NPC1L1: variants seen among roughly 807,000 people sequenced by gnomAD.
NPC1L1 encodes the protein NPC1 like intracellular cholesterol transporter 1.
Under a neutral mutation model 117.0 loss-of-function variants are expected in NPC1L1, and 98 were observed. The observed-to-expected ratio is 0.84, with a 90% confidence interval of 0.71 to 0.99. The LOEUF (loss-of-function observed/expected upper bound fraction) is 0.99, where lower values mean the gene tolerates loss of function less well. Among genes scored for constraint, NPC1L1 ranks in the 50% least tolerant of loss-of-function variants. NPC1L1 has a pLI of 0.00. For synonymous variants in NPC1L1, 729 were observed against 727.6 expected (o/e 1.00, Z -0.03); for missense variants, 1,540 against 1,710.0 (o/e 0.90, Z 1.75).
Position 44,536,907 on chromosome 7 carries a change from G to A in NPC1L1, c.1616C>T (p.Ala539Val). The change falls in exon 3 of 19, where the codon GCC (alanine) becomes GTC (valine). Residue 539 changes from alanine to valine, a missense_variant. Ala to Val is a moderately conservative substitution (Grantham distance 64, BLOSUM62 0). Coordinates refer to ENST00000381160, the MANE Select transcript of NPC1L1 (RefSeq NM_001101648.2). This position sits in a 1 kb window ranked among gnomAD's most constrained non-coding sequence, Gnocchi z 4.7. Reference protein sequence around the residue: ...PLTFKDGTALALSCMADYGAP... With the variant: ...PLTFKDGTALVLSCMADYGAP... ...CCCGTAGTCAGCCATGCAGCTCAGGGCCAGGGCTGTGCCATCCTTGAAGGT... is the reference window on the plus strand; with the variant it reads ...CCCGTAGTCAGCCATGCAGCTCAGGACCAGGGCTGTGCCATCCTTGAAGGT... 2 of 1,614,104 alleles carry A rather than the reference G, an allele frequency of 1.2e-6. No homozygotes were observed. The highest frequency in any genetic ancestry group is 1.7e-6 in the Non-Finnish European group (2 of 1,179,998).
intron 18 of NPC1L1, among the ~76,000 whole-genome samples, chr7:44,515,422 G>T (rs1801154384): frequency 6.6e-6 from 1 of 152,156 alleles, no homozygotes; most frequent in African/African-American, 2.4e-5. Flanking sequence ...TATAAAGGAA[G>T]TATTAATATT....
At position 44,541,319 on chromosome 7, in the gene NPC1L1, T is replaced by C; in HGVS notation, c.-60A>G. The C allele has an allele frequency of 1.5e-5, 23 of 1,501,564 alleles. No individual in the cohort carries two copies. Among genetic ancestry groups the C allele is most frequent in the Non-Finnish European group, 2.1e-5 (23 of 1,106,982 alleles). 93.0% of individuals were successfully genotyped at this position (1,501,564 alleles called of 1,614,324 possible). A position where few individuals can be genotyped will look rare whatever the true frequency, so the allele number is the denominator to read the frequency against. On this transcript the variant is annotated 5_prime_UTR_variant, in exon 1 of 19. Transcript: ENST00000381160. ...CCAGGCCTCAGGAACAGCCAAGGGC[T>C]GAACACACATTAAGGCAGCCTCCTC...
intron 10 of NPC1L1, among the ~76,000 whole-genome samples, chr7:44,530,164 CCT>C (rs1411931902): frequency 6.6e-6 from 1 of 152,050 alleles, no homozygotes; most frequent in Non-Finnish European, 1.5e-5. Flanking sequence ...ATGGTGAAAC[CCT>C]GTCTCTACTA....
intron 10 of NPC1L1, among the ~76,000 whole-genome samples, chr7:44,526,647 C>T (rs117448375): frequency 0.011 from 1,677 of 151,674 alleles, 18 homozygotes; most frequent in Non-Finnish European, 0.019. Context: ...GGCTGAGACA[C>T]GAGGATCACC....
intron 8 of NPC1L1, chr7:44,533,198 C>T (rs1416827451): frequency 1.1e-5 from 5 of 447,902 alleles, no homozygotes; most frequent in African/African-American, 4.0e-5. Context: ...TATTTTATTT[C>T]TCAACATCAT....
chr7:44,540,143 G>A lies in NPC1L1; in HGVS notation c.254C>T (p.Pro85Leu). Residue 85 changes from proline to leucine, a missense_variant, in exon 2 of 19, where the codon CCC (proline) becomes CTC (leucine). Pro to Leu is a moderately conservative substitution (Grantham distance 98). This residue lies in a region of NPC1L1 where 793 missense variants were observed against 820.4 expected (regional missense o/e 0.97). Transcript: ENST00000381160. ...GGCGGAGCAGCAGGCTTGGGTGTTG[G>A]GGCCGGTGTAGAGGCGGGGGCAGAT... Reference protein sequence around the residue: ...QKICPRLYTGPNTQACCSAKQ... With the variant: ...QKICPRLYTGLNTQACCSAKQ... 3.7e-6 allele frequency: 6 copies of A among 1,614,162 alleles called. No individual in the cohort carries two copies. Among genetic ancestry groups the A allele is most frequent in the Non-Finnish European group, 5.1e-6 (6 of 1,180,030 alleles).
intron 10 of NPC1L1, among the ~76,000 whole-genome samples, chr7:44,524,287 A>G (rs1255647703): frequency 6.6e-6 from 1 of 152,246 alleles, no homozygotes; most frequent in Non-Finnish European, 1.5e-5. Flanking sequence ...GCCCTGGGAA[A>G]GAAGGAGAAT....
In NPC1L1 at chr7:44,538,360, G is replaced by A. The variant is rs1036829960; in HGVS notation, c.1580+457C>T. ...GGCCCAGGTGCCTGAGACCAGCCAC[G>A]ACCTCTGGCCTGAGGGCACCTTTTC... On this transcript the variant is annotated intron_variant, in intron 2 of 18. Coordinates refer to ENST00000381160, the MANE Select transcript of NPC1L1 (RefSeq NM_001101648.2). This position sits in a 1 kb window ranked among gnomAD's most constrained non-coding sequence, Gnocchi z 5.9. Among the ~76,000 whole-genome samples, 3 of 152,228 alleles carry A rather than the reference G, an allele frequency of 2.0e-5. No homozygotes were observed. Among genetic ancestry groups the A allele is most frequent in the African/African-American group, 4.8e-5 (2 of 41,468 alleles).
chr7:44,529,070 C>CAA (rs60170693), intron 10 of NPC1L1, among the ~76,000 whole-genome samples: 1 of 114,454 alleles, frequency 8.7e-6, no homozygotes, highest in East Asian at 2.6e-4. Flanking sequence ...GGCTCCATCT[C>CAA]AAAAAAAAAA....
rs1801207611 is a variant in NPC1L1, at chr7:44,516,892, A to C, written c.3330T>G (p.Pro1110=). 7 of 1,613,990 alleles carry C rather than the reference A, an allele frequency of 4.3e-6. No individual in the cohort carries two copies. Among genetic ancestry groups the C allele is most frequent in the Non-Finnish European group, 5.9e-6 (7 of 1,180,040 alleles). ...VFYEQYLTIL[P]EGLFMLSLCL... is the part of the protein sequence containing the mutation. Reference sequence around the variant, plus strand: ...AGAGGCTGAGCATGAAGAGCCCCTCAGGGAGGATGGTCAGGTACTGCTCAT... The same window carrying C: ...AGAGGCTGAGCATGAAGAGCCCCTCCGGGAGGATGGTCAGGTACTGCTCAT... The change falls in exon 16 of 19, where the codon CCT becomes CCG. Residue 1110 remains proline (P), a synonymous_variant. Coordinates refer to ENST00000381160, the MANE Select transcript of NPC1L1 (RefSeq NM_001101648.2).
In NPC1L1 at chr7:44,536,293, C is replaced by T. The variant is rs200753260; in HGVS notation, c.1817G>A (p.Arg606Gln). The part of the protein sequence containing the change: ...FLEEMRAFQR[R>Q]MAGMFQVTFM... ...CGTGACCTGGAACATGCCAGCCATC[C>T]GACGCTGGAAGGCTCGCATTTCCTC... The change falls in exon 4 of 19, where the codon CGG becomes CAG. Residue 606 changes from arginine to glutamine, a missense_variant. Coordinates refer to ENST00000381160, the MANE Select transcript of NPC1L1 (RefSeq NM_001101648.2). The surrounding 1 kb of genome is among the most constrained non-coding windows in gnomAD (Gnocchi z 4.7). 8.5e-5 allele frequency: 138 copies of T among 1,614,192 alleles called. No homozygotes were observed. The highest frequency in any genetic ancestry group is 2.1e-4 in the African/African-American group (16 of 75,062).
chr7:44,534,266 G>C lies in NPC1L1; in HGVS notation c.2166+181C>G, dbSNP rs1425113713. ...AAGCTAATTCCAGATGGTAGAGGCA[G>C]GATGAAGTCATTTATGTCAACACAC... On this transcript the variant is annotated intron_variant, in intron 6 of 18. Coordinates refer to ENST00000381160, the MANE Select transcript of NPC1L1 (RefSeq NM_001101648.2). This position sits in a 1 kb window ranked among gnomAD's most constrained non-coding sequence, Gnocchi z 5.2. Among the ~76,000 whole-genome samples the C allele has an allele frequency of 6.6e-6, 1 of 152,210 alleles. No individual in the cohort carries two copies. The highest frequency in any genetic ancestry group is 2.4e-5 in the African/African-American group (1 of 41,456).
Position 44,516,156 on chromosome 7 carries a change from G to A in NPC1L1, c.3561C>T (p.Arg1187=). The A allele has an allele frequency of 6.2e-7, 1 of 1,612,122 alleles. No individual in the cohort carries two copies. The highest frequency in any genetic ancestry group is 2.2e-5 in the East Asian group (1 of 44,850). The change falls in exon 17 of 19, where the codon CGC becomes CGT. Residue 1187 remains arginine (R), a synonymous_variant. Transcript: ENST00000381160. ...TGGGCTTGGTGCTGATGGCAAAGGA[G>A]CGGGTAATGTGGGACACAAACTCCA... ...MSVEFVSHIT[R]SFAISTKPTW... is the part of the protein sequence containing the mutation.
chr7:44,517,722 G>C (rs535121287), intron 14 of NPC1L1, among the ~76,000 whole-genome samples: 37 of 152,278 alleles, frequency 2.4e-4, no homozygotes, highest in Middle Eastern at 3.4e-3. Context: ...TATAGGAAAG[G>C]ACTAGAAAGG....
rs561262889 is a variant in NPC1L1, at chr7:44,536,016, C to T, written c.1855-48G>A. ...CCCCCACTGACCGTGCCTGCTTCAG[C>T]CAGGCCAGCTCTCAATAGCTCGGTC... On this transcript the variant is annotated intron_variant, in intron 4 of 18. Coordinates refer to ENST00000381160, the MANE Select transcript of NPC1L1 (RefSeq NM_001101648.2). This position sits in a 1 kb window ranked among gnomAD's most constrained non-coding sequence, Gnocchi z 4.7. 1.2e-5 allele frequency: 20 copies of T among 1,611,928 alleles called. No individual in the cohort carries two copies. In the Admixed American group the frequency reaches 2.0e-4, roughly 16 times the overall value.
intron 9 of NPC1L1, 97 bp downstream of exon 9, chr7:44,531,983 T>A (rs1010030803): frequency 6.3e-7 from 1 of 1,582,870 alleles, no homozygotes; most frequent in African/African-American, 1.3e-5. Flanking sequence ...GTATCAGCAT[T>A]TGGGCCTAGG....
intron 10 of NPC1L1, among the ~76,000 whole-genome samples, chr7:44,531,281 C>T (rs1312534152): frequency 1.3e-5 from 2 of 152,214 alleles, no homozygotes; most frequent in Non-Finnish European, 2.9e-5. Flanking sequence ...GTCGCTGCCA[C>T]GCCCAGGAAA....
In NPC1L1 at chr7:44,522,208, T is replaced by C. The variant is rs1801382715; in HGVS notation, c.2672A>G (p.Asn891Ser). The C allele has an allele frequency of 6.2e-7, 1 of 1,613,568 alleles. No individual in the cohort carries two copies. Among genetic ancestry groups the C allele is most frequent in the African/African-American group, 1.3e-5 (1 of 74,916 alleles). ...CGGGGCCCCCACCTCGAAGTAGCGG[T>C]TCAGAAAGAGGAAATAGTCAAGCAG... ...SYLLDYFLFLNRYFEVGAPVY... is the reference protein window; with the variant it reads ...SYLLDYFLFLSRYFEVGAPVY... Residue 891 changes from asparagine (N) to serine (S), a missense_variant, in exon 11 of 19, where the codon AAC becomes AGC. Around this residue, in one of 3 missense-constraint regions of NPC1L1, gnomAD observed 742 missense variants for 873.6 expected, o/e 0.85. Coordinates refer to ENST00000381160, the MANE Select transcript of NPC1L1 (RefSeq NM_001101648.2).
intron 14 of NPC1L1, among the ~76,000 whole-genome samples, chr7:44,520,138 G>C (rs13226820): frequency 1.3e-5 from 2 of 152,152 alleles, no homozygotes; most frequent in Non-Finnish European, 2.9e-5. Context: ...AAATTACCCA[G>C]ACATGATGGT....
Sources: allele counts gnomAD v4.1 joint callset (sites outside exome capture counted in the v4.1 genomes callset), GRCh38; gene constraint gnomAD v4.1.1; regional missense constraint gnomAD v4.1.1; non-coding constraint Gnocchi (gnomAD v3.1); transcripts MANE v1.5; gene names NCBI Gene and HGNC (gene_info 2026-07-23, HGNC 2026-07-21).